The following ECE1 variants were observed in gnomAD, a reference collection of about 807,000 sequenced individuals.
The protein encoded by ECE1 is endothelin-converting enzyme 1.
ECE1 carries 35 observed loss-of-function variants against 98.6 expected under a neutral mutation model. That is an observed-to-expected ratio of 0.35 (90% CI 0.27 to 0.47). The LOEUF (loss-of-function observed/expected upper bound fraction) is 0.47. Ranked by LOEUF, ECE1 falls within the 20% of genes least tolerant of loss-of-function variation. ECE1 has a pLI of 1.00. For missense variants in ECE1, 814 were observed against 1,025.3 expected, an observed-to-expected ratio of 0.79 and a Z score of 2.81; for synonymous variants, 394 against 407.1, an observed-to-expected ratio of 0.97 and a Z score of 0.39.
rs28367945 is a variant in ECE1 at position 21,277,570 on chromosome 1, A to AAC, written c.280+1619_280+1620dup. Among the ~76,000 whole-genome samples, 1,057 of 150,882 alleles carry AAC rather than the reference A, an allele frequency of 7.0e-3. 15 individuals carry two copies. Among genetic ancestry groups the AAC allele is most frequent in the African/African-American group, 0.023 (962 of 41,278 alleles). ...GTGTCCTGTTAGCAGAGGAGGCACAAACACACACACACACACACCAGGACA... is the reference window on the plus strand; with the variant it reads ...GTGTCCTGTTAGCAGAGGAGGCACAAACACACACACACACACACACCAGGACA... On this transcript the variant is annotated intron_variant, in intron 3 of 18. Coordinates refer to ENST00000374893, the MANE Select transcript of ECE1 (RefSeq NM_001397.3).
Position 21,342,601 on chromosome 1 carries a change from CACAGAT to C in ECE1, c.3+2769_3+2774del, listed in dbSNP as rs1639421238. ...CACATCACACAGACACACAGACACA[CACAGAT>C]ACACACACACACACACACACACACA... On this transcript the variant is annotated intron_variant, in intron 1 of 18. Coordinates refer to the ECE1 transcript ENST00000415912. Among the ~76,000 whole-genome samples the C allele has an allele frequency of 1.3e-4, 15 of 114,276 alleles. 1 individual carries two copies. In the South Asian group the frequency reaches 4.5e-3, roughly 34 times the overall value. The allele number at this position is 114,276 out of a possible 152,430, so 75.0% of individuals were successfully genotyped here. A position where few individuals can be genotyped will look rare whatever the true frequency, so the allele number is the denominator to read the frequency against.
At chr1:21,341,310 GT>G (rs1639394304) in intron 1 of ECE1, among the ~76,000 whole-genome samples, 1 of 152,254 alleles carries the variant, frequency 6.6e-6, no homozygotes, top group Non-Finnish European at 1.5e-5. Context: ...AGACAGACTT[GT>G]TTGGTGAGTG....
At chr1:21,300,533 C>T (rs1295280876) in intron 1 of ECE1, among the ~76,000 whole-genome samples, 1 of 152,094 alleles carries the variant, frequency 6.6e-6, no homozygotes, top group East Asian at 1.9e-4. Flanking sequence ...CTCCTGGGCT[C>T]AAGCAATTCT....
intron 1 of ECE1, among the ~76,000 whole-genome samples, chr1:21,302,746 G>GCC (rs1453159327): frequency 2.6e-5 from 4 of 152,130 alleles, no homozygotes; most frequent in Admixed American, 6.5e-5. Flanking sequence ...GGCCCGCCCT[G>GCC]CCCCCTTTGG....
intron 1 of ECE1, among the ~76,000 whole-genome samples, chr1:21,323,815 CTTTCT>C (rs1339800769): frequency 7.6e-6 from 1 of 131,030 alleles, no homozygotes; most frequent in Non-Finnish European, 1.6e-5. Flanking sequence ...GGGCAATTTT[CTTTCT>C]TTTTTTTTTT....
In ECE1 at chr1:21,217,340, C is replaced by T. The variant is rs1176668472; in HGVS notation, c.*2615G>A. The T allele has an allele frequency of 6.6e-6, 1 of 152,362 alleles. No individual in the cohort carries two copies. The highest frequency in any genetic ancestry group is 1.9e-4 in the East Asian group (1 of 5,196). The allele number at this position is 152,362 out of a possible 1,614,324, so 9.4% of individuals were successfully genotyped here. The stretch of plus-strand genomic sequence containing the variant: ...AATACAAAAAATAGATTCCCAGCTC[C>T]CAACCCCACGTCCACGCACCCACAG... On this transcript the variant is annotated 3_prime_UTR_variant, in exon 19 of 19. Transcript: ENST00000374893.
chr1:21,326,134 C>T (rs1280350385), intron 1 of ECE1, among the ~76,000 whole-genome samples: 4 of 152,146 alleles, frequency 2.6e-5, no homozygotes, highest in Non-Finnish European at 5.9e-5. Context: ...ATCCTTCTGC[C>T]GCCCCACGTT....
intron 14 of ECE1, among the ~76,000 whole-genome samples, chr1:21,229,649 C>G (rs1190915293): frequency 6.6e-6 from 1 of 152,128 alleles, no homozygotes; most frequent in Admixed American, 6.5e-5. Flanking sequence ...AGTTTGACAC[C>G]TTACCAATAA....
intron 1 of ECE1, among the ~76,000 whole-genome samples, chr1:21,303,455 A>C (rs1205763338): frequency 6.6e-6 from 1 of 152,238 alleles, no homozygotes; most frequent in Non-Finnish European, 1.5e-5. Flanking sequence ...AAGTGGATCT[A>C]TTAATAAATT....
intron 1 of ECE1, among the ~76,000 whole-genome samples, chr1:21,323,326 C>T (rs1639002894): frequency 6.6e-6 from 1 of 152,144 alleles, no homozygotes; most frequent in Non-Finnish European, 1.5e-5. Flanking sequence ...ACACAATAGC[C>T]CTGACTGCAG....
chr1:21,344,746 G>C (rs1639464680), intron 1 of ECE1, among the ~76,000 whole-genome samples: 1 of 152,198 alleles, frequency 6.6e-6, no homozygotes, highest in South Asian at 2.1e-4. Context: ...GAGATGCTGG[G>C]GAGACCGGAT....
chr1:21,239,534 C>T (rs2098193104), intron 10 of ECE1, among the ~76,000 whole-genome samples: 1 of 152,208 alleles, frequency 6.6e-6, no homozygotes, highest in Admixed American at 6.5e-5. Context: ...CAACATACTA[C>T]TTGGCAACAA....
chr1:21,225,328 C>T lies in ECE1; in HGVS notation c.1962G>A (p.Val654=), dbSNP rs372820610. 12 of 1,614,134 alleles carry T rather than the reference C, an allele frequency of 7.4e-6. No homozygotes were observed. The African/African-American group carries it at 1.6e-4, about 22-fold the overall frequency. Residue 654 remains valine (V), a synonymous_variant, in exon 17 of 19, where the codon GTG becomes GTA. Transcript: ENST00000374893. The surrounding 1 kb of genome is among the most constrained non-coding windows in gnomAD (Gnocchi z 5.3). ...GCCGCCCGTTCACCGGCTCCCCGTT[C>T]ACGCTGTAGTTGCTGTACTGCTCTA... ...CMVEQYSNYS[V]NGEPVNGRHT...
upstream of ECE1, chr1:21,293,708 C>CT (rs2103367382): frequency 6.6e-6 from 1 of 152,240 alleles, no homozygotes; most frequent in East Asian, 1.9e-4. Context: ...ACGGGAAAGG[C>CT]TTGGCGGGCT....
intron 2 of ECE1, chr1:21,279,638 GAGGAGTTCAAAAAAGA>G: frequency 7.0e-7 from 1 of 1,423,418 alleles, no homozygotes; most frequent in Non-Finnish European, 9.1e-7. Context: ...TTTCTCCAGT[GAGGAGTTCAAAAAAGA>G]ACAGGATGTT....
In ECE1 at chr1:21,246,303, C is replaced by T. The variant is rs140634464; in HGVS notation, c.1163+918G>A. 8.3e-3 allele frequency among the ~76,000 whole-genome samples: 1,265 copies of T among 151,642 alleles called. 22 individuals carry two copies. The highest frequency in any genetic ancestry group is 0.028 in the African/African-American group (1,172 of 41,342). On this transcript the variant is annotated intron_variant, in intron 9 of 18. Transcript: ENST00000374893. ...TCAACTGAGGTCAGGAGTTGGGGAC[C>T]AGCCTGGCAAACATGGTGAAACCCC...
At chr1:21,339,665 A>G (rs1454609999) in intron 1 of ECE1, among the ~76,000 whole-genome samples, 3 of 152,186 alleles carry the variant, frequency 2.0e-5, no homozygotes, top group Non-Finnish European at 4.4e-5. Flanking sequence ...CCCTTTTCAT[A>G]CAAGCGCTCT....
At chr1:21,298,833 A>G (rs905259917) in intron 1 of ECE1, 2 of 455,946 alleles carry the variant, frequency 4.4e-6, no homozygotes, top group African/African-American at 4.0e-5. Flanking sequence ...CATCCTTACG[A>G]CTTCAGGTGT....
At chr1:21,240,397 G>A (rs1164645790) in intron 10 of ECE1, among the ~76,000 whole-genome samples, 1 of 151,884 alleles carries the variant, frequency 6.6e-6, no homozygotes, top group African/African-American at 2.4e-5. Flanking sequence ...TGAGGCACAA[G>A]AATCGCTTGA....
Sources: gnomAD v4.1 joint callset for allele counts (sites outside exome capture counted in the v4.1 genomes callset) on GRCh38, gnomAD v4.1.1 for gene constraint, Gnocchi (gnomAD v3.1) non-coding constraint, MANE v1.5 for transcripts, NCBI Gene and HGNC (gene_info 2026-07-23, HGNC 2026-07-21) for gene names.